The following RBFOX1 variants were observed in gnomAD, a reference collection of about 807,000 sequenced individuals.
RBFOX1 encodes the protein RNA binding protein fox-1 homolog 1.
RBFOX1 carries 8 observed loss-of-function variants against 57.7 expected under a neutral mutation model. That is an observed-to-expected ratio of 0.14 (90% CI 0.08 to 0.25). RBFOX1 has a LOEUF of 0.25. Among genes scored for constraint, RBFOX1 ranks in the 10% least tolerant of loss-of-function variants. The pLI is 1.00. For missense variants in RBFOX1, 611 were observed against 548.5 expected, an observed-to-expected ratio of 1.11 and a Z score of -1.14; for synonymous variants, 326 against 222.4, an observed-to-expected ratio of 1.47 and a Z score of -4.15.
At chr16:7,138,169 A>C (rs368995534) in intron 4 of RBFOX1, among the ~76,000 whole-genome samples, 17 of 152,266 alleles carry the variant, frequency 1.1e-4, no homozygotes, top group African/African-American at 4.1e-4. Context: ...TGCAAATCCA[A>C]AGCTTTGGGT....
At chr16:7,663,833 C>A (rs548623788) in intron 12 of RBFOX1, among the ~76,000 whole-genome samples, 2 of 152,192 alleles carry the variant, frequency 1.3e-5, no homozygotes, top group Admixed American at 6.5e-5. Flanking sequence ...ATATGATTCT[C>A]GTTAAACTCG....
intron 1 of RBFOX1, among the ~76,000 whole-genome samples, chr16:6,222,931 A>G (rs1382798255): frequency 1.3e-5 from 2 of 151,542 alleles, no homozygotes; most frequent in Non-Finnish European, 2.9e-5. Context: ...ATTCCCATCT[A>G]TGAGTGAGAA....
intron 4 of RBFOX1, among the ~76,000 whole-genome samples, chr16:5,994,942 C>A (rs974282638): frequency 6.6e-6 from 1 of 152,212 alleles, no homozygotes; most frequent in Non-Finnish European, 1.5e-5. Context: ...AAAGTGACAT[C>A]CATCGATGCA....
chr16:6,292,899 A>C (rs948160094), intron 1 of RBFOX1, among the ~76,000 whole-genome samples: 1 of 152,152 alleles, frequency 6.6e-6, no homozygotes, highest in Non-Finnish European at 1.5e-5. Context: ...CTGACATTCA[A>C]AGTACTTTTT....
chr16:7,102,308 C>G lies in RBFOX1; in HGVS notation c.27+50210C>G, dbSNP rs144075429. Among the ~76,000 whole-genome samples the G allele has an allele frequency of 1.8e-3, 273 of 152,278 alleles. 2 individuals are homozygous for G. In the Middle Eastern group the frequency reaches 0.041, roughly 23 times the overall value. Reference sequence around the variant, plus strand: ...TTGTCTATCCATAGACTATTGGATTCCCTTAGCCTATATGTGAAGAAGGAT... The same window carrying G: ...TTGTCTATCCATAGACTATTGGATTGCCTTAGCCTATATGTGAAGAAGGAT... On this transcript the variant is annotated intron_variant, in intron 4 of 15. Coordinates refer to ENST00000550418, the MANE Select transcript of RBFOX1 (RefSeq NM_018723.4).
At chr16:7,059,169 A>G (rs1267699879) in intron 4 of RBFOX1, among the ~76,000 whole-genome samples, 4 of 152,192 alleles carry the variant, frequency 2.6e-5, no homozygotes, top group African/African-American at 7.2e-5. Flanking sequence ...CAATTGAGCT[A>G]TCAGAATCAG....
intron 1 of RBFOX1, among the ~76,000 whole-genome samples, chr16:5,296,080 C>T (rs201043832): frequency 1.0e-5 from 1 of 95,380 alleles, no homozygotes; most frequent in Admixed American, 1.3e-4. Context: ...CGCCCGGGTT[C>T]CCCCTGAGCT....
chr16:6,661,078 G>T (rs556411883), intron 3 of RBFOX1, among the ~76,000 whole-genome samples: 1 of 152,316 alleles, frequency 6.6e-6, no homozygotes, highest in South Asian at 2.1e-4. Context: ...CTTGGGAGCT[G>T]TTATTCAGCT....
At chr16:5,801,115 G>T (rs1200914650) in intron 3 of RBFOX1, among the ~76,000 whole-genome samples, 1 of 152,154 alleles carries the variant, frequency 6.6e-6, no homozygotes, top group Non-Finnish European at 1.5e-5. Context: ...AGTGGAGCTG[G>T]AAGTTCCTGG....
intron 1 of RBFOX1, among the ~76,000 whole-genome samples, chr16:5,247,717 C>G (rs1255647928): frequency 6.6e-6 from 1 of 152,160 alleles, no homozygotes; most frequent in Non-Finnish European, 1.5e-5. Flanking sequence ...GCCTGCAATG[C>G]TGAACTATTT....
chr16:7,407,017 C>T, intron 4 of RBFOX1, among the ~76,000 whole-genome samples: 1 of 152,106 alleles, frequency 6.6e-6, no homozygotes, highest in East Asian at 1.9e-4. Context: ...TGCTGACTAA[C>T]CCTAAGATAA....
intron 2 of RBFOX1, among the ~76,000 whole-genome samples, chr16:6,538,750 G>C (rs2096769650): frequency 1.3e-5 from 2 of 152,176 alleles, no homozygotes; most frequent in African/African-American, 2.4e-5. Flanking sequence ...CCTTTTTCCA[G>C]CTGTTGGTTG....
intron 4 of RBFOX1, among the ~76,000 whole-genome samples, chr16:7,380,953 G>C (rs935515990): frequency 1.2e-4 from 18 of 152,170 alleles, no homozygotes; most frequent in African/African-American, 4.3e-4. Context: ...ACAGTATTTT[G>C]AATCTCCAGA....
intron 4 of RBFOX1, among the ~76,000 whole-genome samples, chr16:7,271,435 G>A (rs1289386006): frequency 6.6e-6 from 1 of 151,938 alleles, no homozygotes; most frequent in Non-Finnish European, 1.5e-5. Flanking sequence ...TTTCAATGAT[G>A]CCTTGGTGAC....
intron 3 of RBFOX1, among the ~76,000 whole-genome samples, chr16:6,722,137 C>T (rs999057560): frequency 1.3e-5 from 2 of 152,166 alleles, no homozygotes; most frequent in Non-Finnish European, 2.9e-5. Flanking sequence ...CTCTGGGACC[C>T]TGCTTTCCAT....
At chr16:6,757,371 A>G (rs1053715453) in intron 3 of RBFOX1, among the ~76,000 whole-genome samples, 1 of 152,202 alleles carries the variant, frequency 6.6e-6, no homozygotes, top group Non-Finnish European at 1.5e-5. Flanking sequence ...ATTATTTACA[A>G]TAGCAAAGAT....
At chr16:7,172,131 A>G (rs1224512894) in intron 4 of RBFOX1, among the ~76,000 whole-genome samples, 2 of 152,220 alleles carry the variant, frequency 1.3e-5, no homozygotes, top group Non-Finnish European at 2.9e-5. Context: ...TAGATAAGTT[A>G]TAAATGACCT....
Position 6,806,725 on chromosome 16 carries a change from G to A in RBFOX1, c.-16+152075G>A, listed in dbSNP as rs578086972. Among the ~76,000 whole-genome samples, 9 of 148,476 alleles carry A rather than the reference G, an allele frequency of 6.1e-5. No individual in the cohort carries two copies. In the South Asian group the frequency reaches 1.5e-3, roughly 25 times the overall value. On this transcript the variant is annotated intron_variant, in intron 3 of 15. Coordinates refer to ENST00000550418, the MANE Select transcript of RBFOX1 (RefSeq NM_018723.4). ...TTGTCTTACATGTATTACCAGGGGA[G>A]CATCTTTCTGTTTTTTCTCCCTTTC...
At chr16:7,508,088 G>A (rs534154146) in intron 4 of RBFOX1, among the ~76,000 whole-genome samples, 12 of 152,138 alleles carry the variant, frequency 7.9e-5, no homozygotes, top group Admixed American at 4.6e-4. Flanking sequence ...CCGGGTTCAA[G>A]CGATTCTCGT....
Sources: allele counts gnomAD v4.1 joint callset (sites outside exome capture counted in the v4.1 genomes callset), GRCh38; gene constraint gnomAD v4.1.1; transcripts MANE v1.5; gene names NCBI Gene and HGNC (gene_info 2026-07-23, HGNC 2026-07-21).